CNNM2: variants seen among roughly 807,000 people sequenced by gnomAD.
CNNM2 encodes the protein cyclin and CBS domain divalent metal cation transport mediator 2, also known as metal transporter CNNM2.
CNNM2 carries 12 observed loss-of-function variants against 66.9 expected under a neutral mutation model. That is an observed-to-expected ratio of 0.18 (90% CI 0.11 to 0.29). The LOEUF (loss-of-function observed/expected upper bound fraction) is 0.29. Among genes scored for constraint, CNNM2 ranks in the 10% least tolerant of loss-of-function variants. CNNM2 has a pLI of 1.00. For missense variants in CNNM2, 705 were observed against 1,167.7 expected, an observed-to-expected ratio of 0.60 and a Z score of 5.77; for synonymous variants, 557 against 501.8, an observed-to-expected ratio of 1.11 and a Z score of -1.47.
At chr10:103,057,261 A>G (rs1282103958) in intron 4 of CNNM2, among the ~76,000 whole-genome samples, 2 of 152,158 alleles carry the variant, frequency 1.3e-5, no homozygotes, top group Non-Finnish European at 2.9e-5. Context: ...TGAGGCCAGA[A>G]GTTCAAGACC....
intron 6 of CNNM2, 59 bp from the exon 7 acceptor site, chr10:103,076,027 T>C (rs1181903111): frequency 2.1e-6 from 3 of 1,433,654 alleles, no homozygotes; most frequent in Non-Finnish European, 2.8e-6. Flanking sequence ...GGAAAATAAC[T>C]GGTTTTATTG....
chr10:103,004,054 G>A (rs557276311), intron 1 of CNNM2, among the ~76,000 whole-genome samples: 6 of 137,972 alleles, frequency 4.3e-5, no homozygotes, highest in Admixed American at 7.8e-5. Flanking sequence ...GTGCAGTGGC[G>A]CAATCTCGGC....
intron 1 of CNNM2, among the ~76,000 whole-genome samples, 187 bp from the exon 2 acceptor site, chr10:103,049,520 T>C (rs536481738): frequency 1.3e-5 from 2 of 152,332 alleles, no homozygotes; most frequent in Admixed American, 1.3e-4. Context: ...GGCGTAACTT[T>C]CTGCCTTTTA....
chr10:103,057,915 G>A (rs144763846), intron 4 of CNNM2, among the ~76,000 whole-genome samples: 1 of 152,222 alleles, frequency 6.6e-6, no homozygotes, highest in East Asian at 1.9e-4. Context: ...GTTGACAGGA[G>A]GCCTTGTTTT....
intron 1 of CNNM2, among the ~76,000 whole-genome samples, chr10:102,955,995 T>TA (rs1847020180): frequency 6.7e-6 from 1 of 149,772 alleles, no homozygotes; most frequent in African/African-American, 2.5e-5. Flanking sequence ...CTATTAAAAA[T>TA]ACAGAAGTTA....
rs1453571254 is a variant in CNNM2, at chr10:103,090,141, T to C, written c.*12961T>C. The C allele has an allele frequency of 2.3e-6, 1 of 440,780 alleles. No homozygotes were observed. The highest frequency in any genetic ancestry group is 3.9e-5 in the Admixed American group (1 of 25,912). The allele number at this position is 440,780 out of a possible 1,614,324, so 27.3% of individuals were successfully genotyped here. On this transcript the variant is annotated 3_prime_UTR_variant, in exon 8 of 8. Coordinates refer to ENST00000369878, the MANE Select transcript of CNNM2 (RefSeq NM_017649.5). The stretch of plus-strand genomic sequence containing the variant: ...TACTGCAGCTGGAAATTGGAAAAGA[T>C]GGAGAGGGGAGTTTACTTTCTATTT...
At chr10:103,070,777 A>G (rs1340933213) in intron 5 of CNNM2, among the ~76,000 whole-genome samples, 1 of 152,184 alleles carries the variant, frequency 6.6e-6, no homozygotes, top group Non-Finnish European at 1.5e-5. Context: ...TAAAAATACA[A>G]AAATTAGCCA....
intron 1 of CNNM2, among the ~76,000 whole-genome samples, chr10:102,928,035 C>G (rs78429658): frequency 6.6e-6 from 1 of 152,086 alleles, no homozygotes; most frequent in African/African-American, 2.4e-5. Flanking sequence ...ATGTGCTCTT[C>G]CTGGATCTGT....
rs772136208 is a variant in CNNM2 at position 103,084,030 on chromosome 10, A to G, written c.*6850A>G. On this transcript the variant is annotated 3_prime_UTR_variant, in exon 8 of 8. Coordinates refer to ENST00000369878, the MANE Select transcript of CNNM2 (RefSeq NM_017649.5). ...ATGATACACGTTCTTTTCCATCACT[A>G]CTTTGTCTTCTGTTCCTTCTTACCC... is the stretch of plus-strand genomic sequence containing the variant. 11 of 152,058 alleles carry G rather than the reference A, an allele frequency of 7.2e-5. No individual in the cohort carries two copies. Among genetic ancestry groups the G allele is most frequent in the Non-Finnish European group, 1.5e-4 (10 of 68,008 alleles). The allele number at this position is 152,058 out of a possible 1,614,324, so 9.4% of individuals were successfully genotyped here.
intron 1 of CNNM2, among the ~76,000 whole-genome samples, chr10:102,957,044 G>T (rs1847068002): frequency 6.6e-6 from 1 of 152,176 alleles, no homozygotes; most frequent in African/African-American, 2.4e-5. Context: ...GCTCATGCCT[G>T]TAATCCCAGC....
Position 102,927,519 on chromosome 10 carries a change from G to C in CNNM2, c.1621+7418G>C, listed in dbSNP as rs999472835. 5.4e-6 allele frequency: 8 copies of C among 1,486,284 alleles called. No homozygotes were observed. The African/African-American group carries it at 1.1e-4, about 21-fold the overall frequency. The allele number at this position is 1,486,284 out of a possible 1,614,324, so 92.1% of individuals were successfully genotyped here. ...TCATGCCTGTAATCCCGGCACTTTG[G>C]GAGGCCCAGGGAGGTGGATCACTTG... On this transcript the variant is annotated intron_variant, in intron 1 of 7. Transcript: ENST00000369878.
At chr10:103,066,914 C>A (rs2134357172) in intron 4 of CNNM2, among the ~76,000 whole-genome samples, 1 of 152,182 alleles carries the variant, frequency 6.6e-6, no homozygotes, top group African/African-American at 2.4e-5. Context: ...GATTTTATAT[C>A]ATGGGTGGAG....
intron 7 of CNNM2, 71 bp downstream of exon 7, chr10:103,076,341 T>C: frequency 6.8e-7 from 1 of 1,463,372 alleles, no homozygotes; most frequent in Non-Finnish European, 9.3e-7. Flanking sequence ...ATTGTCTGTT[T>C]TGCTCCTTGC....
chr10:103,011,682 G>GTGTGTATGTA lies in CNNM2; in HGVS notation c.1622-38022_1622-38021insGTATGTATGT, dbSNP rs747928487. On this transcript the variant is annotated intron_variant, in intron 1 of 7. Transcript: ENST00000369878. Reference sequence around the variant, plus strand: ...TGTGTGTGTGTGTGTGTGTGTGTGTGTGTATGTATAATTTTTTTTTTTTGA... The same window carrying GTGTGTATGTA: ...TGTGTGTGTGTGTGTGTGTGTGTGTGTGTGTATGTATGTATGTATAATTTTTTTTTTTTGA... 1.1e-3 allele frequency among the ~76,000 whole-genome samples: 156 copies of GTGTGTATGTA among 148,362 alleles called. 1 individual carries two copies. Among genetic ancestry groups the GTGTGTATGTA allele is most frequent in the African/African-American group, 3.5e-3 (141 of 40,390 alleles).
At chr10:103,048,894 C>T (rs545189392) in intron 1 of CNNM2, among the ~76,000 whole-genome samples, 105 of 152,156 alleles carry the variant, frequency 6.9e-4, no homozygotes, top group Middle Eastern at 3.4e-3. Context: ...CTTACTCTGT[C>T]GCCTAGGCTG....
At chr10:102,997,153 A>G (rs1037619739) in intron 1 of CNNM2, among the ~76,000 whole-genome samples, 5 of 152,174 alleles carry the variant, frequency 3.3e-5, no homozygotes, top group Non-Finnish European at 7.3e-5. Context: ...TCTACATTTG[A>G]TGAGAGTTGG....
intron 1 of CNNM2, among the ~76,000 whole-genome samples, chr10:102,999,472 T>C (rs919026112): frequency 6.6e-6 from 1 of 152,080 alleles, no homozygotes; most frequent in Non-Finnish European, 1.5e-5. Flanking sequence ...AATAATTTAA[T>C]TAAAAATTTC....
chr10:102,981,634 T>C (rs1438231341), intron 1 of CNNM2, among the ~76,000 whole-genome samples: 5 of 151,872 alleles, frequency 3.3e-5, no homozygotes, highest in African/African-American at 1.2e-4. Flanking sequence ...CTCAAGCGAT[T>C]TGCCTGCCTT....
intron 1 of CNNM2, among the ~76,000 whole-genome samples, chr10:103,037,504 A>G (rs2064963469): frequency 6.6e-6 from 1 of 152,032 alleles, no homozygotes; most frequent in Non-Finnish European, 1.5e-5. Context: ...TGTTGAATAT[A>G]AAAACGTTTT....
Sources: allele counts gnomAD v4.1 joint callset (sites outside exome capture counted in the v4.1 genomes callset), GRCh38; gene constraint gnomAD v4.1.1; transcripts MANE v1.5; gene names NCBI Gene and HGNC (gene_info 2026-07-23, HGNC 2026-07-21).